The following KLHL11 variants were observed in gnomAD, a reference collection of about 807,000 sequenced individuals.
The protein encoded by KLHL11 is kelch like family member 11.
Under a neutral mutation model 56.1 loss-of-function variants are expected in KLHL11, and 26 were observed. That is an observed-to-expected ratio of 0.46 (90% CI 0.34 to 0.64). The LOEUF (loss-of-function observed/expected upper bound fraction) is 0.64. Among genes scored for constraint, KLHL11 ranks in the 30% least tolerant of loss-of-function variants. The pLI, the probability that KLHL11 is intolerant of heterozygous loss-of-function variation, is 0.01. For missense variants in KLHL11, 627 were observed against 919.4 expected (o/e 0.68, Z 4.11); for synonymous variants, 338 against 345.8 (o/e 0.98, Z 0.25).
In KLHL11 at chr17:41,854,760, T is replaced by C; in HGVS notation, c.1107A>G (p.Glu369=). The change falls in exon 2 of 2, where the codon GAA becomes GAG. Residue 369 remains glutamate (E), a synonymous_variant. Transcript: ENST00000319121. The surrounding 1 kb of genome is among the most constrained non-coding windows in gnomAD (Gnocchi z 4.9). The part of the protein sequence containing the change: ...DVIMVIGGVS[E]GGDYLSECVG... ...CACATTCACTTAAATAGTCCCCTCC[T>C]TCTGACACACCTCCAATAACCATGA... The C allele has an allele frequency of 1.9e-6, 3 of 1,614,208 alleles. No individual in the cohort carries two copies. In the African/African-American group the frequency reaches 4.0e-5, roughly 22 times the overall value.
chr17:41,858,406 T>G (rs34995044), intron 1 of KLHL11, among the ~76,000 whole-genome samples: 1 of 137,196 alleles, frequency 7.3e-6, no homozygotes, highest in Non-Finnish European at 1.6e-5. Flanking sequence ...ATATATATAT[T>G]TTTTGTTGTT....
intron 1 of KLHL11, among the ~76,000 whole-genome samples, 153 bp downstream of exon 1, chr17:41,864,673 G>A (rs7218228): frequency 6.2e-4 from 95 of 152,372 alleles, no homozygotes; most frequent in African/African-American, 2.2e-3. Flanking sequence ...CACCGCGGTG[G>A]CTGCCCCCAA....
rs781872459 is a variant in KLHL11 at position 41,854,856 on chromosome 17, T to C, written c.1011A>G (p.Gln337=). ...ERHALRAENI[Q]SGTCQHPTSH... ...AAGTGGGGTGCTGGCATGTGCCAGA[T>C]TGTATATTCTCAGCTCTCAGAGCAT... Residue 337 remains glutamine, a synonymous_variant, in exon 2 of 2, where the codon CAA becomes CAG. Transcript: ENST00000319121. This position sits in a 1 kb window ranked among gnomAD's most constrained non-coding sequence, Gnocchi z 4.9. The C allele has an allele frequency of 6.8e-6, 11 of 1,614,190 alleles. No homozygotes were observed. Among genetic ancestry groups the C allele is most frequent in the Non-Finnish European group, 7.6e-6 (9 of 1,180,028 alleles).
chr17:41,858,454 T>TG (rs1284533127), intron 1 of KLHL11, among the ~76,000 whole-genome samples: 54 of 147,454 alleles, frequency 3.7e-4, no homozygotes, highest in African/African-American at 1.3e-3. Flanking sequence ...CTCCCCGAGA[T>TG]GGAGTTTCGC....
At chr17:41,859,513 C>A (rs977664425) in intron 1 of KLHL11, among the ~76,000 whole-genome samples, 1 of 151,534 alleles carries the variant, frequency 6.6e-6, no homozygotes, top group Non-Finnish European at 1.5e-5. Flanking sequence ...TGCAGTAAGC[C>A]GAGATCATGC....
chr17:41,855,237 G>A lies in KLHL11; in HGVS notation c.630C>T (p.Ser210=), dbSNP rs1555622416. 11 of 1,612,132 alleles carry A rather than the reference G, an allele frequency of 6.8e-6. No individual in the cohort carries two copies. Among genetic ancestry groups the A allele is most frequent in the South Asian group, 1.1e-5 (1 of 90,560 alleles). The change falls in exon 2 of 2, where the codon AGC becomes AGT. Residue 210 remains serine, a synonymous_variant. Coordinates refer to ENST00000319121, the MANE Select transcript of KLHL11 (RefSeq NM_018143.3). ...LHLSNCVAIH[S]LAHMYTLSQL... Reference sequence around the variant, plus strand: ...GGCTCAGGGTGTACATGTGTGCTAAGCTATGAATTGCCACACAATTTGAGA... The same window carrying A: ...GGCTCAGGGTGTACATGTGTGCTAAACTATGAATTGCCACACAATTTGAGA...
chr17:41,861,686 CAAAAAAAA>C (rs71155178), intron 1 of KLHL11, among the ~76,000 whole-genome samples: 21 of 61,872 alleles, frequency 3.4e-4, no homozygotes, highest in African/African-American at 4.0e-4. Flanking sequence ...ACTCTTGTCT[CAAAAAAAA>C]AAAAAAAAAA....
rs2144150737 is a variant in KLHL11 at position 41,853,288 on chromosome 17, T to C, written c.*452A>G. Among the ~76,000 whole-genome samples the C allele has an allele frequency of 6.6e-6, 1 of 152,342 alleles. No homozygotes were observed. The highest frequency in any genetic ancestry group is 2.1e-4 in the South Asian group (1 of 4,830). Reference sequence around the variant, plus strand: ...CAAATTTCAGTCTCACTATTGCACATGCCTCCTGCAGATGAGGGCTCAATG... The same window carrying C: ...CAAATTTCAGTCTCACTATTGCACACGCCTCCTGCAGATGAGGGCTCAATG... On this transcript the variant is annotated 3_prime_UTR_variant, in exon 2 of 2. Transcript: ENST00000319121.
rs2048320532 is a variant in KLHL11, at chr17:41,849,531, C to T, written c.*4209G>A. The T allele has an allele frequency of 6.6e-6, 1 of 152,176 alleles. No homozygotes were observed. Among genetic ancestry groups the T allele is most frequent in the Admixed American group, 6.5e-5 (1 of 15,276 alleles). The allele number at this position is 152,176 out of a possible 1,614,324, so 9.4% of individuals were successfully genotyped here. A position where few individuals can be genotyped will look rare whatever the true frequency, so the allele number is the denominator to read the frequency against. On this transcript the variant is annotated 3_prime_UTR_variant, in exon 2 of 2. Transcript: ENST00000319121. Reference sequence around the variant, plus strand: ...AAAACACAAAAGCACACAAATCTTCCATAAACACTATCTTTCCAGCTTCAA... The same window carrying T: ...AAAACACAAAAGCACACAAATCTTCTATAAACACTATCTTTCCAGCTTCAA...
At position 41,853,181 on chromosome 17, in the gene KLHL11, A is replaced by G. The variant is rs1287607129; in HGVS notation, c.*559T>C. On this transcript the variant is annotated 3_prime_UTR_variant, in exon 2 of 2. Transcript: ENST00000319121. ...ATCAGTCACATCTTCTAGGAAGGAA[A>G]CTGGCATTTCTAGATAAACATAAGA... 6.6e-6 allele frequency among the ~76,000 whole-genome samples: 1 copy of G among 152,222 alleles called. No individual in the cohort carries two copies. The highest frequency in any genetic ancestry group is 2.4e-5 in the African/African-American group (1 of 41,458).
chr17:41,863,608 T>A (rs1008321985), intron 1 of KLHL11, among the ~76,000 whole-genome samples: 13 of 152,188 alleles, frequency 8.5e-5, no homozygotes, highest in Non-Finnish European at 2.9e-5. Context: ...CCACAGGCCA[T>A]CAAGGCCCTA....
rs1189323899 is a variant in KLHL11, at chr17:41,852,778, C to CAA, written c.*960_*961dup. Reference sequence around the variant, plus strand: ...TGCACTCCAGCCTGGGCAACATGAGCAAAAAAAAAAAAAAAAAGAGAAAAG... The same window carrying CAA: ...TGCACTCCAGCCTGGGCAACATGAGCAAAAAAAAAAAAAAAAAAAGAGAAAAG... On this transcript the variant is annotated 3_prime_UTR_variant, in exon 2 of 2. Transcript: ENST00000319121. Among the ~76,000 whole-genome samples, 685 of 49,660 alleles carry CAA rather than the reference C, an allele frequency of 0.014. 4 individuals are homozygous for CAA. The highest frequency in any genetic ancestry group is 0.045 in the African/African-American group (652 of 14,476). The allele number at this position is 49,660 out of a possible 152,430, so 32.6% of individuals were successfully genotyped here.
intron 1 of KLHL11, 26 bp downstream of exon 1, chr17:41,864,800 T>C: frequency 6.8e-7 from 1 of 1,473,540 alleles, no homozygotes. Context: ...CCCGCCGCCC[T>C]CCGCGCTCCC....
At chr17:41,859,479 C>A (rs782455658) in intron 1 of KLHL11, among the ~76,000 whole-genome samples, 4 of 151,850 alleles carry the variant, frequency 2.6e-5, no homozygotes, top group Non-Finnish European at 5.9e-5. Flanking sequence ...GCAGGAGAAT[C>A]GCTTGAACCC....
Position 41,853,924 on chromosome 17 carries a change from G to A in KLHL11, c.1943C>T (p.Pro648Leu), listed in dbSNP as rs2048347681. The stretch of plus-strand genomic sequence containing the variant: ...AGCAGTGGCTCTACAACGAGGTTGT[G>A]GCATAGGAGGAAGAAGCATCCACCT... ...RKRWMLLPPM[P>L]QPRCRATACH... Residue 648 changes from proline (P) to leucine (L), a missense_variant, in exon 2 of 2, where the codon CCA (proline) becomes CTA (leucine). By Grantham distance (98) the Pro-to-Leu change is moderately conservative. Transcript: ENST00000319121. The A allele has an allele frequency of 1.9e-6, 3 of 1,614,036 alleles. No homozygotes were observed. Among genetic ancestry groups the A allele is most frequent in the African/African-American group, 1.3e-5 (1 of 74,892 alleles).
intron 1 of KLHL11, among the ~76,000 whole-genome samples, chr17:41,856,529 GCAA>G (rs375004256): frequency 5.3e-5 from 8 of 151,932 alleles, no homozygotes; most frequent in Non-Finnish European, 8.8e-5. Context: ...GAAAACAACA[GCAA>G]CAACAACAAC....
At chr17:41,859,459 G>A (rs2048389039) in intron 1 of KLHL11, among the ~76,000 whole-genome samples, 1 of 152,152 alleles carries the variant, frequency 6.6e-6, no homozygotes, top group Non-Finnish European at 1.5e-5. Flanking sequence ...TAGCTACTCA[G>A]GAGGCTGAGG....
intron 1 of KLHL11, among the ~76,000 whole-genome samples, chr17:41,855,975 C>G (rs562454091): frequency 6.7e-6 from 1 of 148,952 alleles, no homozygotes; most frequent in South Asian, 2.1e-4. Context: ...CATGCCCGGC[C>G]TACACCATCC....
rs536052522 is a variant in KLHL11, at chr17:41,850,652, TTCTG to T, written c.*3084_*3087del. 27 of 152,334 alleles carry T rather than the reference TTCTG, an allele frequency of 1.8e-4. No individual in the cohort carries two copies. The highest frequency in any genetic ancestry group is 6.3e-4 in the African/African-American group (26 of 41,570). The allele number at this position is 152,334 out of a possible 1,614,324, so 9.4% of individuals were successfully genotyped here. A position where few individuals can be genotyped will look rare whatever the true frequency, so the allele number is the denominator to read the frequency against. On this transcript the variant is annotated 3_prime_UTR_variant, in exon 2 of 2. Coordinates refer to ENST00000319121, the MANE Select transcript of KLHL11 (RefSeq NM_018143.3). ...TCATTTAGTGAGCTTCATTTAATGATTCTGTCTTACTTGCATAGACCTATCACAG... is the reference window on the plus strand; with the variant it reads ...TCATTTAGTGAGCTTCATTTAATGATTCTTACTTGCATAGACCTATCACAG...
Sources: allele counts gnomAD v4.1 joint callset (sites outside exome capture counted in the v4.1 genomes callset), GRCh38; gene constraint gnomAD v4.1.1; non-coding constraint Gnocchi (gnomAD v3.1); transcripts MANE v1.5; gene names NCBI Gene and HGNC (gene_info 2026-07-23, HGNC 2026-07-21).